Variants in CNTN1 observed in about 807,000 individuals in gnomAD.
CNTN1 encodes the protein contactin-1.
In CNTN1, 38 loss-of-function variants were observed where a neutral mutation model predicts 126.4. That is an observed-to-expected ratio of 0.30 (90% CI 0.23 to 0.39). The LOEUF (loss-of-function observed/expected upper bound fraction) is 0.39, where lower values mean the gene tolerates loss of function less well. Ranked by LOEUF, CNTN1 falls within the 10% of genes least tolerant of loss-of-function variation. The pLI, the probability that CNTN1 is intolerant of heterozygous loss-of-function variation, is 1.00. For missense variants in CNTN1, 1,009 were observed against 1,248.4 expected (o/e 0.81, Z 2.89); for synonymous variants, 413 against 422.6 (o/e 0.98, Z 0.28).
chr12:40,933,069 T>A (rs1237274400), intron 7 of CNTN1, among the ~76,000 whole-genome samples: 1 of 151,906 alleles, frequency 6.6e-6, no homozygotes, highest in African/African-American at 2.4e-5. Flanking sequence ...CCTTAGTTTC[T>A]TGCCTTGCGT....
At position 40,947,764 on chromosome 12, in the gene CNTN1, CAT is replaced by C. The variant is rs34815270; in HGVS notation, c.1683+3612_1683+3613del. Among the ~76,000 whole-genome samples, 456 of 68,286 alleles carry C rather than the reference CAT, an allele frequency of 6.7e-3. 7 individuals carry two copies. Among genetic ancestry groups the C allele is most frequent in the South Asian group, 0.037 (84 of 2,250 alleles). 44.8% of individuals were successfully genotyped at this position (68,286 alleles called of 152,430 possible). A position where few individuals can be genotyped will look rare whatever the true frequency, so the allele number is the denominator to read the frequency against. On this transcript the variant is annotated intron_variant, in intron 14 of 23. Coordinates refer to ENST00000551295, the MANE Select transcript of CNTN1 (RefSeq NM_001843.4). ...CCAGTTTTGGAGATTGTCACTATTTCATATATATATATATATATACACACACA... is the reference window on the plus strand; with the variant it reads ...CCAGTTTTGGAGATTGTCACTATTTCATATATATATATATATACACACACA...
intron 1 of CNTN1, among the ~76,000 whole-genome samples, chr12:40,856,820 T>C (rs530958258): frequency 2.6e-5 from 4 of 152,034 alleles, no homozygotes; most frequent in African/African-American, 9.6e-5. Flanking sequence ...TACACAAAAA[T>C]AACTTGAGAA....
chr12:40,980,819 A>G, intron 15 of CNTN1, 90 bp from the exon 16 acceptor site: 1 of 1,206,854 alleles, frequency 8.3e-7, no homozygotes, highest in Non-Finnish European at 1.2e-6. Context: ...TGTTCTTTAG[A>G]TTAATGGTTA....
chr12:40,764,213 A>G (rs1197883287), intron 1 of CNTN1, among the ~76,000 whole-genome samples: 3 of 152,214 alleles, frequency 2.0e-5, no homozygotes, highest in Admixed American at 2.0e-4. Flanking sequence ...TGGGTTAGGA[A>G]CGTTAAAGAA....
At chr12:40,846,338 G>A (rs1592151893) in intron 1 of CNTN1, among the ~76,000 whole-genome samples, 1 of 152,140 alleles carries the variant, frequency 6.6e-6, no homozygotes, top group Admixed American at 6.5e-5. Context: ...CATGGTGGCG[G>A]GCGCCTGCAG....
At position 40,933,885 on chromosome 12, in the gene CNTN1, AC is replaced by A. The variant is rs748064467; in HGVS notation, c.985+8del. The A allele has an allele frequency of 1.1e-5, 17 of 1,603,810 alleles. No homozygotes were observed. Among genetic ancestry groups the A allele is most frequent in the Non-Finnish European group, 1.5e-5 (17 of 1,171,638 alleles). On this transcript the variant is annotated splice_region_variant and intron_variant, in intron 9 of 23. Transcript: ENST00000551295. ...GCAAGAATTTATGTTCAAGGTAGAT[AC>A]ATTATTTTAATTTTGTATAAATTTC...
intron 14 of CNTN1, among the ~76,000 whole-genome samples, chr12:40,955,080 T>C (rs963199376): frequency 1.3e-5 from 2 of 151,964 alleles, no homozygotes; most frequent in Admixed American, 1.3e-4. Flanking sequence ...ACTCTACAGG[T>C]GTAGTTAACT....
At position 40,881,273 on chromosome 12, in the gene CNTN1, G is replaced by C. The variant is rs531475029; in HGVS notation, c.-76-27084G>C. Among the ~76,000 whole-genome samples, 26 of 152,002 alleles carry C rather than the reference G, an allele frequency of 1.7e-4. 1 individual carries two copies. The highest frequency in any genetic ancestry group is 5.2e-4 in the Admixed American group (8 of 15,252). On this transcript the variant is annotated intron_variant, in intron 1 of 23. Coordinates refer to ENST00000551295, the MANE Select transcript of CNTN1 (RefSeq NM_001843.4). ...TTGGATGAAAGAACACTTGGAGAGA[G>C]AATGAACACGTACTATGGCTATAAA...
chr12:41,008,841 A>G (rs1485049693), intron 17 of CNTN1, among the ~76,000 whole-genome samples: 2 of 152,212 alleles, frequency 1.3e-5, no homozygotes, highest in Non-Finnish European at 2.9e-5. Context: ...TCTTTCCTTT[A>G]TAACCTTCTT....
intron 1 of CNTN1, among the ~76,000 whole-genome samples, chr12:40,713,216 A>G (rs915399175): frequency 1.9e-4 from 26 of 139,202 alleles, no homozygotes; most frequent in African/African-American, 6.7e-4. Flanking sequence ...ATCCTATATC[A>G]TGGCTTTTTT....
At chr12:41,040,274 C>A (rs1949368774) in intron 23 of CNTN1, among the ~76,000 whole-genome samples, 1 of 152,100 alleles carries the variant, frequency 6.6e-6, no homozygotes, top group African/African-American at 2.4e-5. Context: ...GATCAAGATT[C>A]ATGGCTGGTC....
intron 19 of CNTN1, among the ~76,000 whole-genome samples, chr12:41,017,252 A>G (rs1948801978): frequency 6.6e-6 from 1 of 152,060 alleles, no homozygotes; most frequent in South Asian, 2.1e-4. Flanking sequence ...ACATGTCTGT[A>G]TATTCATAAA....
At position 41,006,776 on chromosome 12, in the gene CNTN1, T is replaced by C. The variant is rs1948502799; in HGVS notation, c.2114-7452T>C. Among the ~76,000 whole-genome samples the C allele has an allele frequency of 2.0e-5, 3 of 152,216 alleles. No homozygotes were observed. In the South Asian group the frequency reaches 6.2e-4, roughly 32 times the overall value. ...TGTTAACAGATTTGAGGATGGTATG[T>C]CAGACTGAGTCAAAGCATTTGCATG... On this transcript the variant is annotated intron_variant, in intron 17 of 23. Transcript: ENST00000551295.
At chr12:40,806,039 C>A (rs781216782) in intron 1 of CNTN1, among the ~76,000 whole-genome samples, 3 of 152,104 alleles carry the variant, frequency 2.0e-5, no homozygotes, top group Non-Finnish European at 4.4e-5. Flanking sequence ...CAGATGATAT[C>A]TCTCTCCATG....
At chr12:40,763,643 A>G (rs1592060387) in intron 1 of CNTN1, among the ~76,000 whole-genome samples, 1 of 152,208 alleles carries the variant, frequency 6.6e-6, no homozygotes, top group East Asian at 1.9e-4. Context: ...AAGGCTTTGT[A>G]GGCCATTTAA....
chr12:40,920,195 C>T (rs529935440), intron 4 of CNTN1, among the ~76,000 whole-genome samples: 1 of 152,214 alleles, frequency 6.6e-6, no homozygotes, highest in Non-Finnish European at 1.5e-5. Flanking sequence ...CACAAGGGAC[C>T]TTAGCAAATC....
intron 14 of CNTN1, among the ~76,000 whole-genome samples, chr12:40,955,411 CCTTT>C (rs1946839471): frequency 6.6e-6 from 1 of 151,914 alleles, no homozygotes; most frequent in Non-Finnish European, 1.5e-5. Context: ...TTCCCAATAA[CCTTT>C]CTATTTTCTT....
chr12:40,857,795 G>T (rs1294155176), intron 1 of CNTN1, among the ~76,000 whole-genome samples: 2 of 152,120 alleles, frequency 1.3e-5, no homozygotes, highest in Non-Finnish European at 2.9e-5. Context: ...TCCAGAGATA[G>T]CCCAGGCCCT....
intron 15 of CNTN1, among the ~76,000 whole-genome samples, chr12:40,973,378 T>G (rs1263669243): frequency 6.6e-6 from 1 of 152,114 alleles, no homozygotes; most frequent in Non-Finnish European, 1.5e-5. Context: ...GACTTTGACA[T>G]TCCTTGGCGA....
Sources: gnomAD v4.1 joint callset for allele counts (sites outside exome capture counted in the v4.1 genomes callset) on GRCh38, gnomAD v4.1.1 for gene constraint, MANE v1.5 for transcripts, NCBI Gene and HGNC (gene_info 2026-07-23, HGNC 2026-07-21) for gene names.